The following CRTAC1 variants were observed in gnomAD, a reference collection of about 807,000 sequenced individuals.
CRTAC1 encodes cartilage acidic protein 1, also known as acidic secreted protein in cartilage.
In CRTAC1, 37 loss-of-function variants were observed where a neutral mutation model predicts 67.8. The observed-to-expected ratio is 0.55, with a 90% CI of 0.42 to 0.72. The LOEUF (loss-of-function observed/expected upper bound fraction) is 0.72, where lower values mean the gene tolerates loss of function less well. CRTAC1 is among the 30% of genes least tolerant of loss of function. The pLI is 0.00. For synonymous variants in CRTAC1, 348 were observed against 371.0 expected (o/e 0.94, Z 0.71); for missense variants, 780 against 931.6 (o/e 0.84, Z 2.12).
intron 5 of CRTAC1, among the ~76,000 whole-genome samples, chr10:97,909,214 G>T (rs2050655453): frequency 1.3e-5 from 2 of 152,054 alleles, no homozygotes; most frequent in Admixed American, 1.3e-4. Context: ...CCCCCACCCA[G>T]TGGGTTTCAA....
chr10:97,925,695 T>G (rs1418108545), intron 3 of CRTAC1, among the ~76,000 whole-genome samples: 2 of 22,896 alleles, frequency 8.7e-5, no homozygotes, highest in Non-Finnish European at 1.7e-4. Flanking sequence ...TGAGAGTGAG[T>G]GTGTGGGGGG....
intron 2 of CRTAC1, among the ~76,000 whole-genome samples, chr10:97,987,335 TG>T (rs2051998667): frequency 6.6e-6 from 1 of 152,230 alleles, no homozygotes; most frequent in Non-Finnish European, 1.5e-5. Flanking sequence ...CTGGGGTTCA[TG>T]TGGAATATTT....
intron 2 of CRTAC1, among the ~76,000 whole-genome samples, chr10:97,950,597 T>C (rs1249099567): frequency 1.3e-5 from 2 of 152,142 alleles, no homozygotes; most frequent in East Asian, 3.9e-4. Flanking sequence ...ACGGGCCTTG[T>C]TGGGGCAGAG....
chr10:97,879,106 T>C (rs1219908481), intron 14 of CRTAC1, among the ~76,000 whole-genome samples: 2 of 152,158 alleles, frequency 1.3e-5, no homozygotes, highest in Non-Finnish European at 2.9e-5. Context: ...TAATATCTAG[T>C]AGAGAGTTTA....
intron 3 of CRTAC1, among the ~76,000 whole-genome samples, chr10:97,934,184 C>T (rs1410068436): frequency 6.6e-6 from 1 of 152,202 alleles, no homozygotes; most frequent in Non-Finnish European, 1.5e-5. Context: ...TGGGGACTCA[C>T]CCCTTCTATA....
intron 3 of CRTAC1, among the ~76,000 whole-genome samples, chr10:97,923,779 T>G (rs576000879): frequency 8.7e-4 from 133 of 152,286 alleles, no homozygotes; most frequent in African/African-American, 3.1e-3. Flanking sequence ...CAACCCAGGA[T>G]GGCTCTTTCT....
intron 1 of CRTAC1, among the ~76,000 whole-genome samples, chr10:98,014,696 C>T (rs1842963642): frequency 6.6e-6 from 1 of 152,122 alleles, no homozygotes; most frequent in Non-Finnish European, 1.5e-5. Context: ...TCAATAAGTA[C>T]ATGAAACATC....
At chr10:98,020,878 G>C (rs537816060) in intron 1 of CRTAC1, among the ~76,000 whole-genome samples, 3 of 152,340 alleles carry the variant, frequency 2.0e-5, no homozygotes, top group Admixed American at 1.3e-4. Context: ...GGCTGGAGTG[G>C]TGTGTTAGAA....
At chr10:97,885,868 T>A (rs1392414145) in intron 11 of CRTAC1, among the ~76,000 whole-genome samples, 1 of 152,226 alleles carries the variant, frequency 6.6e-6, no homozygotes, top group African/African-American at 2.4e-5. Flanking sequence ...CACCCACATA[T>A]ATGCACCATT....
At chr10:98,010,108 C>T (rs1284453948) in intron 2 of CRTAC1, among the ~76,000 whole-genome samples, 1 of 150,988 alleles carries the variant, frequency 6.6e-6, no homozygotes, top group Non-Finnish European at 1.5e-5. Flanking sequence ...GGTGCCGTCT[C>T]GGCTTACTGC....
chr10:97,987,998 T>C (rs539339793), intron 2 of CRTAC1, among the ~76,000 whole-genome samples: 3 of 152,342 alleles, frequency 2.0e-5, no homozygotes, highest in East Asian at 3.9e-4. Flanking sequence ...GGAAGATATA[T>C]GCCAGGATTG....
intron 11 of CRTAC1, among the ~76,000 whole-genome samples, chr10:97,886,203 T>G (rs2050281787): frequency 6.6e-6 from 1 of 152,174 alleles, no homozygotes; most frequent in Non-Finnish European, 1.5e-5. Flanking sequence ...AGTTACGCCT[T>G]GTGAGCCACA....
chr10:98,019,220 AC>A (rs1007477597), intron 1 of CRTAC1, among the ~76,000 whole-genome samples: 2 of 151,910 alleles, frequency 1.3e-5, no homozygotes, highest in African/African-American at 2.4e-5. Flanking sequence ...GGTCAGGAGG[AC>A]CCAGCCTTCA....
intron 2 of CRTAC1, among the ~76,000 whole-genome samples, chr10:97,945,332 TTC>T (rs1403012157): frequency 6.6e-6 from 1 of 152,190 alleles, no homozygotes; most frequent in Non-Finnish European, 1.5e-5. Flanking sequence ...CTACTCCTCT[TTC>T]TCTTTCTTCT....
intron 11 of CRTAC1, among the ~76,000 whole-genome samples, chr10:97,890,260 G>T (rs1226051425): frequency 6.6e-6 from 1 of 150,478 alleles, no homozygotes; most frequent in Non-Finnish European, 1.5e-5. Flanking sequence ...GGGACTATAG[G>T]CTTGCACCAC....
At chr10:97,979,031 G>C (rs1286566020) in intron 2 of CRTAC1, among the ~76,000 whole-genome samples, 2 of 152,060 alleles carry the variant, frequency 1.3e-5, no homozygotes, top group African/African-American at 4.8e-5. Flanking sequence ...GGCAGGGCTG[G>C]TCCTCGACTC....
At chr10:97,923,593 G>A (rs2136596801) in intron 3 of CRTAC1, among the ~76,000 whole-genome samples, 193 bp from the exon 4 acceptor site, 1 of 152,236 alleles carries the variant, frequency 6.6e-6, no homozygotes, top group South Asian at 2.1e-4. Flanking sequence ...CCAGTTGAGG[G>A]AAGAGACTCT....
intron 14 of CRTAC1, among the ~76,000 whole-genome samples, chr10:97,877,236 T>C (rs2050158293): frequency 6.6e-6 from 1 of 152,194 alleles, no homozygotes; most frequent in Non-Finnish European, 1.5e-5. Context: ...CAGCTCAACT[T>C]TTTAGAAAGC....
Position 97,895,328 on chromosome 10 carries a change from T to C in CRTAC1, c.1403A>G (p.Lys468Arg), listed in dbSNP as rs916803585. ...GATCCTCAGGTGGGCCCCACTCTTC[T>C]TGGTGTAGAGCACGACCTTAGCTCC... ...ARGAKVVLYT[K>R]KSGAHLRIID... The change falls in exon 11 of 15, where the codon AAG becomes AGG. Residue 468 changes from lysine to arginine, a missense_variant. Lys to Arg is a conservative substitution (Grantham distance 26). Coordinates refer to ENST00000370597, the MANE Select transcript of CRTAC1 (RefSeq NM_018058.7). This position sits in a 1 kb window ranked among gnomAD's most constrained non-coding sequence, Gnocchi z 4.2. The C allele has an allele frequency of 1.2e-6, 2 of 1,613,890 alleles. No homozygotes were observed. Among genetic ancestry groups the C allele is most frequent in the African/African-American group, 1.3e-5 (1 of 75,036 alleles).
Sources: allele counts gnomAD v4.1 joint callset (sites outside exome capture counted in the v4.1 genomes callset), GRCh38; gene constraint gnomAD v4.1.1; non-coding constraint Gnocchi (gnomAD v3.1); transcripts MANE v1.5; gene names NCBI Gene and HGNC (gene_info 2026-07-23, HGNC 2026-07-21).